Variants in IPO4 observed in about 807,000 individuals in gnomAD.
IPO4 encodes the protein importin 4.
A neutral mutation model predicts 133.5 loss-of-function variants in IPO4; 91 were observed. The observed-to-expected ratio is 0.68, with a 90% CI of 0.58 to 0.81. The LOEUF (loss-of-function observed/expected upper bound fraction) is 0.81, where lower values mean the gene tolerates loss of function less well. IPO4 is among the 30% of genes least tolerant of loss of function. IPO4 has a pLI of 0.00. For missense variants in IPO4, 1,279 were observed against 1,386.2 expected (o/e 0.92, Z 1.23); for synonymous variants, 607 against 581.6 (o/e 1.04, Z -0.63).
rs369567721 is a variant in IPO4, at chr14:24,188,359, G to A, written c.221C>T (p.Ala74Val). 13 of 1,612,152 alleles carry A rather than the reference G, an allele frequency of 8.1e-6. No individual in the cohort carries two copies. Among genetic ancestry groups the A allele is most frequent in the Middle Eastern group, 1.6e-4 (1 of 6,070 alleles). Residue 74 changes from alanine to valine, a missense_variant, in exon 3 of 30, where the codon GCG becomes GTG. Transcript: ENST00000354464. ...RLNTRWRRLA[A>V]EQRESLKSLI... ...CCCAGCCCACCTCTCCCGTTGCTCC[G>A]CCGCCAGCCGTCGCCAGCGGGTGTT...
chr14:24,184,207 G>T (rs1209917367), intron 17 of IPO4, 91 bp downstream of exon 17: 6 of 1,552,572 alleles, frequency 3.9e-6, no homozygotes, highest in Non-Finnish European at 5.3e-6. Context: ...CAAACCAGAC[G>T]ACTGGAGTCT....
rs1566642366 is a variant in IPO4 at position 24,183,364 on chromosome 14, TGAG to T, written c.2122-12_2122-10del. Reference sequence around the variant, plus strand: ...ACATTCAGGTGAGGGCACTGCAGGATGAGGAGGGGCGGGATATGTCTGCTATGT... The same window carrying T: ...ACATTCAGGTGAGGGCACTGCAGGATGAGGGGCGGGATATGTCTGCTATGT... On this transcript the variant is annotated splice_polypyrimidine_tract_variant and intron_variant, in intron 21 of 29. Coordinates refer to ENST00000354464, the MANE Select transcript of IPO4 (RefSeq NM_024658.4). 2 of 1,604,632 alleles carry T rather than the reference TGAG, an allele frequency of 1.2e-6. No individual in the cohort carries two copies. Among genetic ancestry groups the T allele is most frequent in the Non-Finnish European group, 1.7e-6 (2 of 1,174,920 alleles).
intron 28 of IPO4, 126 bp downstream of exon 28, chr14:24,181,387 C>G (rs2039133668): frequency 1.4e-6 from 1 of 725,676 alleles, no homozygotes; most frequent in Non-Finnish European, 2.4e-6. Flanking sequence ...AAAAGAACAG[C>G]TGAAACTGTC....
At position 24,187,153 on chromosome 14, in the gene IPO4, G is replaced by A; in HGVS notation, c.589-3C>T. 1.2e-6 allele frequency: 2 copies of A among 1,613,546 alleles called. No homozygotes were observed. The highest frequency in any genetic ancestry group is 1.7e-6 in the Non-Finnish European group (2 of 1,179,646). ...GGCACCAACATCCGAGCGAGAGGCT[G>A]AGGGACACATCACAGAGAGCATGAT... On this transcript the variant is annotated splice_polypyrimidine_tract_variant and splice_region_variant and intron_variant, in intron 6 of 29. Coordinates refer to ENST00000354464, the MANE Select transcript of IPO4 (RefSeq NM_024658.4).
rs756818812 is a variant in IPO4, at chr14:24,184,129, G to T, written c.1758-20C>A. On this transcript the variant is annotated intron_variant, in intron 17 of 29. Transcript: ENST00000354464. Reference sequence around the variant, plus strand: ...CTGTACCTGGTCAAAGCAGGCAGAAGAAGCTGTAAGGTCCTGCCTGCTACC... The same window carrying T: ...CTGTACCTGGTCAAAGCAGGCAGAATAAGCTGTAAGGTCCTGCCTGCTACC... 39 of 1,606,164 alleles carry T rather than the reference G, an allele frequency of 2.4e-5. No homozygotes were observed. In the Admixed American group the frequency reaches 6.2e-4, roughly 25 times the overall value.
chr14:24,180,703 T>C lies in IPO4; in HGVS notation c.3101A>G (p.Asn1034Ser), dbSNP rs759536146. ...LRICSLILAD[N>S]KIPPDTKAAL... Reference sequence around the variant, plus strand: ...CCTACCCTCACCTGGTGGGATCTTGTTGTCAGCCAGAATGAGGCTGCAGAT... The same window carrying C: ...CCTACCCTCACCTGGTGGGATCTTGCTGTCAGCCAGAATGAGGCTGCAGAT... The change falls in exon 29 of 30, where the codon AAC (asparagine) becomes AGC (serine). Residue 1034 changes from asparagine to serine, a missense_variant. By Grantham distance (46) the Asn-to-Ser change is conservative (BLOSUM62 1). Around this residue, in one of 3 missense-constraint regions of IPO4, gnomAD observed 575 missense variants for 653.4 expected, o/e 0.88. Coordinates refer to ENST00000354464, the MANE Select transcript of IPO4 (RefSeq NM_024658.4). The C allele has an allele frequency of 8.1e-6, 13 of 1,614,150 alleles. No homozygotes were observed. Among genetic ancestry groups the C allele is most frequent in the East Asian group, 6.7e-5 (3 of 44,894 alleles).
rs768198024 is a variant in IPO4, at chr14:24,183,836, C to G, written c.1932G>C (p.Glu644Asp). Residue 644 changes from glutamate to aspartate, a missense_variant, in exon 19 of 30, where the codon GAG becomes GAC. By Grantham distance (45) the Glu-to-Asp change is conservative. Transcript: ENST00000354464. ...CCACATCCTCATCCATGAGCTCCTCCTCTTCTTCCCCATCACTCTCATCGT... is the reference window on the plus strand; with the variant it reads ...CCACATCCTCATCCATGAGCTCCTCGTCTTCTTCCCCATCACTCTCATCGT... ...LFDDESDGEE[E>D]EELMDEDVEE... is the part of the protein sequence containing the mutation. 1.2e-6 allele frequency: 2 copies of G among 1,614,140 alleles called. No homozygotes were observed. Among genetic ancestry groups the G allele is most frequent in the South Asian group, 1.1e-5 (1 of 91,084 alleles).
In IPO4 at chr14:24,183,371, G is replaced by A. The variant is rs761382314; in HGVS notation, c.2122-16C>T. 2 of 1,601,096 alleles carry A rather than the reference G, an allele frequency of 1.2e-6. No individual in the cohort carries two copies. Among genetic ancestry groups the A allele is most frequent in the Non-Finnish European group, 1.7e-6 (2 of 1,172,924 alleles). ...GGTGAGGGCACTGCAGGATGAGGAG[G>A]GGCGGGATATGTCTGCTATGTGCAC... On this transcript the variant is annotated splice_polypyrimidine_tract_variant and intron_variant, in intron 21 of 29. Coordinates refer to ENST00000354464, the MANE Select transcript of IPO4 (RefSeq NM_024658.4).
chr14:24,181,415 ACTGACAGC>A, intron 28 of IPO4, 90 bp downstream of exon 28: 1 of 914,096 alleles, frequency 1.1e-6, no homozygotes, highest in South Asian at 1.5e-5. Context: ...ATCAGGTGCA[ACTGACAGC>A]CTGGAGCTCC....
chr14:24,188,590 CCGGCAAAGCGG>C lies in IPO4; in HGVS notation c.107_117del (p.Ala36GlyfsTer127). ...GCCGAGGCTAGCAGGTCGCAGAGAG[CCGGCAAAGCGG>C]CGGGGGCCCGAAGAACGATCTGGAG... On this transcript the variant is annotated frameshift_variant, in exon 2 of 30. Transcript: ENST00000354464. LOFTEE classifies it high-confidence loss of function. The C allele has an allele frequency of 6.2e-7, 1 of 1,613,196 alleles. No individual in the cohort carries two copies. Among genetic ancestry groups the C allele is most frequent in the Non-Finnish European group, 8.5e-7 (1 of 1,179,752 alleles).
Position 24,188,562 on chromosome 14 carries a change from G to A in IPO4, c.146C>T (p.Ala49Val). 6.2e-7 allele frequency: 1 copy of A among 1,612,378 alleles called. No individual in the cohort carries two copies. The highest frequency in any genetic ancestry group is 8.5e-7 in the Non-Finnish European group (1 of 1,179,424). Reference sequence around the variant, plus strand: ...AGTCAGGGGTCTCACCTGGGGGTCGGCCGCCGAGGCTAGCAGGTCGCAGAG... The same window carrying A: ...AGTCAGGGGTCTCACCTGGGGGTCGACCGCCGAGGCTAGCAGGTCGCAGAG... The part of the protein sequence containing the change: ...PALCDLLASA[A>V]DPQIRQFAAV... The change falls in exon 2 of 30, where the codon GCC becomes GTC. Residue 49 changes from alanine to valine, a missense_variant. Around this residue, in one of 3 missense-constraint regions of IPO4, gnomAD observed 695 missense variants for 704.1 expected, o/e 0.99. Transcript: ENST00000354464.
rs991326737 is a variant in IPO4, at chr14:24,182,602, C to T, written c.2472+190G>A. 252 of 936,994 alleles carry T rather than the reference C, an allele frequency of 2.7e-4. 1 individual carries two copies. Among genetic ancestry groups the T allele is most frequent in the Middle Eastern group, 6.7e-4 (2 of 2,970 alleles). The allele number at this position is 936,994 out of a possible 1,614,324, so 58.0% of individuals were successfully genotyped here. On this transcript the variant is annotated intron_variant, in intron 24 of 29. Transcript: ENST00000354464. ...TCCTACCTATCACTCCAAGCACACC[C>T]CAGTCCACACTGCTCTCCTTCCCTG...
At position 24,187,464 on chromosome 14, in the gene IPO4, C is replaced by T; in HGVS notation, c.524G>A (p.Gly175Glu). 1.9e-6 allele frequency: 3 copies of T among 1,614,052 alleles called. No homozygotes were observed. The highest frequency in any genetic ancestry group is 2.5e-6 in the Non-Finnish European group (3 of 1,180,008). Residue 175 changes from glycine (G) to glutamate (E), a missense_variant, in exon 6 of 30, where the codon GGG becomes GAG. By Grantham distance (98) the Gly-to-Glu change is moderately conservative (BLOSUM62 -2). Around this residue, in one of 3 missense-constraint regions of IPO4, gnomAD observed 695 missense variants for 704.1 expected, o/e 0.99. Transcript: ENST00000354464. ...NETLGEVGSP[G>E]LLFYSLRTLT... ...AGTGCGCAGGGAGTAGAAGAGCAGC[C>T]CAGGAGAGCCCACCTCACCAAGAGT...
At chr14:24,188,530 AG>A (rs2039261412) in intron 2 of IPO4, 21 bp downstream of exon 2, 9 of 1,610,346 alleles carry the variant, frequency 5.6e-6, no homozygotes, top group Non-Finnish European at 7.6e-6. Flanking sequence ...GGAAGCTCGG[AG>A]GGGAGAGTCA....
Position 24,184,727 on chromosome 14 carries a change from G to C in IPO4, c.1559C>G (p.Pro520Arg). Residue 520 changes from proline to arginine, a missense_variant, in exon 16 of 30, where the codon CCT (proline) becomes CGT (arginine). Transcript: ENST00000354464. ...TTCCCGCAGGTGCTCCATGATGGCA[G>C]GGAAGTAGGGCAGCAGCGAGGCCTG... ...AAQASLLPYF[P>R]AIMEHLREFL... The C allele has an allele frequency of 6.2e-7, 1 of 1,613,332 alleles. No homozygotes were observed. Among genetic ancestry groups the C allele is most frequent in the Non-Finnish European group, 8.5e-7 (1 of 1,179,678 alleles).
Position 24,188,737 on chromosome 14 carries a change from G to A in IPO4, c.51C>T (p.Asp17=), listed in dbSNP as rs2039266663. ...TCCGTACCCGACGGATGCGCTCGGT[G>A]TCCGGTAGCAGCAGCTCCCGTAGGA... The part of the protein sequence containing the change: ...EQLLRELLLP[D]TERIRRATEQ... The change falls in exon 1 of 30, where the codon GAC becomes GAT. Residue 17 remains aspartate (D), a synonymous_variant. Coordinates refer to ENST00000354464, the MANE Select transcript of IPO4 (RefSeq NM_024658.4). 6.4e-7 allele frequency: 1 copy of A among 1,554,286 alleles called. No individual in the cohort carries two copies. Among genetic ancestry groups the A allele is most frequent in the Non-Finnish European group, 8.7e-7 (1 of 1,148,216 alleles).
rs1169259216 is a variant in IPO4 at position 24,188,758 on chromosome 14, T to C, written c.30A>G (p.Leu10=). MESAGLEQL[L]RELLLPDTER... is the part of the protein sequence containing the mutation. ...CGGTGTCCGGTAGCAGCAGCTCCCG[T>C]AGGAGCTGCTCTAGCCCGGCTGACT... Residue 10 remains leucine, a synonymous_variant, in exon 1 of 30, where the codon CTA becomes CTG. Transcript: ENST00000354464. 1 of 1,532,652 alleles carries C rather than the reference T, an allele frequency of 6.5e-7. No homozygotes were observed. Among genetic ancestry groups the C allele is most frequent in the Non-Finnish European group, 8.8e-7 (1 of 1,140,726 alleles). The allele number at this position is 1,532,652 out of a possible 1,614,324, so 94.9% of individuals were successfully genotyped here. A position where few individuals can be genotyped will look rare whatever the true frequency, so the allele number is the denominator to read the frequency against.
rs751634934 is a variant in IPO4 at position 24,184,951 on chromosome 14, G to T, written c.1438C>A (p.Leu480Ile). ...AGAAGCTGCAGCATGCATTCCATAA[G>T]CTCCGGAAGGTAGGGCTGCACCTTG... ...GPKVQPYLPE[L>I]MECMLQLLRN... is the part of the protein sequence containing the mutation. Residue 480 changes from leucine to isoleucine, a missense_variant, in exon 15 of 30, where the codon CTT (leucine) becomes ATT (isoleucine). Around this residue, in one of 3 missense-constraint regions of IPO4, gnomAD observed 695 missense variants for 704.1 expected, o/e 0.99. Transcript: ENST00000354464. The T allele has an allele frequency of 7.4e-6, 12 of 1,613,898 alleles. No individual in the cohort carries two copies. The highest frequency in any genetic ancestry group is 1.0e-5 in the Non-Finnish European group (12 of 1,180,010).
Position 24,185,318 on chromosome 14 carries a change from G to C in IPO4, c.1279-6C>G. On this transcript the variant is annotated splice_polypyrimidine_tract_variant and splice_region_variant and intron_variant, in intron 13 of 29. Coordinates refer to ENST00000354464, the MANE Select transcript of IPO4 (RefSeq NM_024658.4). ...GAATAGCTGCTGATATGGGGCTGGG[G>C]GAGGGAGCAAGCAGGGCCTGAGTCA... 6.2e-7 allele frequency: 1 copy of C among 1,614,066 alleles called. No homozygotes were observed. Among genetic ancestry groups the C allele is most frequent in the Non-Finnish European group, 8.5e-7 (1 of 1,179,932 alleles).
Sources: gnomAD v4.1 joint callset for allele counts on GRCh38, gnomAD v4.1.1 for gene constraint, gnomAD v4.1.1 regional missense constraint, MANE v1.5 for transcripts, NCBI Gene and HGNC (gene_info 2026-07-23, HGNC 2026-07-21) for gene names.